The following RAB11FIP4 variants were observed in gnomAD, a reference collection of about 807,000 sequenced individuals.
RAB11FIP4 encodes the protein RAB11 family interacting protein 4.
Under a neutral mutation model 74.3 loss-of-function variants are expected in RAB11FIP4, and 23 were observed. That is an observed-to-expected ratio of 0.31 (90% confidence interval 0.22 to 0.44). The LOEUF (loss-of-function observed/expected upper bound fraction) is 0.44, where lower values mean the gene tolerates loss of function less well. RAB11FIP4 is among the 20% of genes least tolerant of loss of function. The pLI is 1.00. For synonymous variants in RAB11FIP4, 360 were observed against 359.9 expected (o/e 1.00, Z 0.00); for missense variants, 630 against 863.9 (o/e 0.73, Z 3.39).
chr17:31,469,699 G>T (rs1159749475), intron 3 of RAB11FIP4, among the ~76,000 whole-genome samples: 1 of 151,432 alleles, frequency 6.6e-6, no homozygotes, highest in East Asian at 1.9e-4. Context: ...GGGGCATAAG[G>T]AAAGGCCTCT....
chr17:31,440,462 CCTT>C (rs1220905578), intron 3 of RAB11FIP4, among the ~76,000 whole-genome samples: 1 of 152,168 alleles, frequency 6.6e-6, no homozygotes, highest in African/African-American at 2.4e-5. Context: ...GCTCTCTCAT[CCTT>C]CTTTGTTTCT....
Position 31,522,055 on chromosome 17 carries a change from G to T in RAB11FIP4, c.893+6G>T, listed in dbSNP as rs750202712. ...AAAAACCTGAAGGCCAACAGGTGAG[G>T]CCCAGGCCCAGCTGGGGGGTGAGAG... On this transcript the variant is annotated splice_donor_region_variant and intron_variant, in intron 6 of 14. Coordinates refer to ENST00000621161, the MANE Select transcript of RAB11FIP4 (RefSeq NM_032932.6). The T allele has an allele frequency of 5.6e-6, 9 of 1,613,834 alleles. 1 individual carries two copies. The highest frequency in any genetic ancestry group is 7.6e-6 in the Non-Finnish European group (9 of 1,180,020).
intron 3 of RAB11FIP4, among the ~76,000 whole-genome samples, chr17:31,442,531 C>T (rs1469901167): frequency 6.6e-6 from 1 of 152,238 alleles, no homozygotes; most frequent in African/African-American, 2.4e-5. Context: ...TGTTTTCACA[C>T]TACAGTGGCA....
intron 3 of RAB11FIP4, among the ~76,000 whole-genome samples, chr17:31,459,228 G>A (rs1408878100): frequency 6.6e-6 from 1 of 152,076 alleles, no homozygotes; most frequent in East Asian, 1.9e-4. Flanking sequence ...AGATCTACGA[G>A]TACTCTCAGC....
rs2071309265 is a variant in RAB11FIP4 at position 31,431,527 on chromosome 17, AT to A, written c.160-284del. The A allele has an allele frequency of 1.5e-5, 5 of 343,468 alleles. No homozygotes were observed. The South Asian group carries it at 1.6e-4, about 11-fold the overall frequency. The allele number at this position is 343,468 out of a possible 1,614,324, so 21.3% of individuals were successfully genotyped here. On this transcript the variant is annotated intron_variant, in intron 1 of 14. Coordinates refer to ENST00000621161, the MANE Select transcript of RAB11FIP4 (RefSeq NM_032932.6). ...AAACATCGGCAGAGCCTCGGCTTTCATTGTGCAGTCCCTGGGGGAAGGAGGC... is the reference window on the plus strand; with the variant it reads ...AAACATCGGCAGAGCCTCGGCTTTCATGTGCAGTCCCTGGGGGAAGGAGGC...
intron 1 of RAB11FIP4, among the ~76,000 whole-genome samples, chr17:31,404,899 G>C (rs140826184): frequency 1.9e-3 from 295 of 152,218 alleles, no homozygotes; most frequent in Non-Finnish European, 3.7e-3. Flanking sequence ...GGTCTGCCAG[G>C]GTGGAGGGAA....
chr17:31,508,662 T>G (rs2072398432), intron 3 of RAB11FIP4, among the ~76,000 whole-genome samples: 1 of 152,206 alleles, frequency 6.6e-6, no homozygotes, highest in Non-Finnish European at 1.5e-5. Flanking sequence ...ACCACTCGCT[T>G]AGCCCCTCCC....
chr17:31,425,070 C>A (rs2071234913), intron 1 of RAB11FIP4, among the ~76,000 whole-genome samples: 1 of 152,178 alleles, frequency 6.6e-6, no homozygotes, highest in African/African-American at 2.4e-5. Flanking sequence ...GGCATGGAGT[C>A]TGGAACCAGG....
intron 7 of RAB11FIP4, 93 bp from the exon 8 acceptor site, chr17:31,523,419 T>TG (rs1567691756): frequency 1.0e-6 from 1 of 985,444 alleles, no homozygotes; most frequent in Non-Finnish European, 1.6e-6. Context: ...GCAGACCCCC[T>TG]GGGGTACTGG....
intron 1 of RAB11FIP4, among the ~76,000 whole-genome samples, chr17:31,398,454 C>T (rs922661625): frequency 6.6e-6 from 1 of 151,842 alleles, no homozygotes; most frequent in Admixed American, 6.6e-5. Flanking sequence ...GTTGAGAGAC[C>T]GTGCCATGGG....
At chr17:31,423,455 C>T (rs1368124692) in intron 1 of RAB11FIP4, among the ~76,000 whole-genome samples, 3 of 152,160 alleles carry the variant, frequency 2.0e-5, no homozygotes, top group African/African-American at 7.2e-5. Context: ...GCAGCCTCAA[C>T]CCCCTGGCCT....
At chr17:31,479,118 C>G (rs1003686164) in intron 3 of RAB11FIP4, among the ~76,000 whole-genome samples, 5 of 152,198 alleles carry the variant, frequency 3.3e-5, no homozygotes, top group African/African-American at 9.7e-5. Flanking sequence ...GCAGTAACAT[C>G]TACTCTACAA....
chr17:31,501,877 G>A (rs1045135932), intron 3 of RAB11FIP4: 2 of 155,144 alleles, frequency 1.3e-5, no homozygotes, highest in African/African-American at 4.8e-5. Context: ...CTTGAAGTAT[G>A]ACTTCTACTG....
intron 3 of RAB11FIP4, among the ~76,000 whole-genome samples, chr17:31,468,439 C>G (rs946622913): frequency 6.6e-6 from 1 of 152,140 alleles, no homozygotes; most frequent in African/African-American, 2.4e-5. Flanking sequence ...TGTGCCTCAG[C>G]CTTCTCATAT....
In RAB11FIP4 at chr17:31,519,364, G is replaced by C. The variant is rs567409602; in HGVS notation, c.563+1487G>C. ...TCTACTCTGCTATATTTTCTATATT[G>C]AGCATGTACTCCCATAATCAGAAAT... On this transcript the variant is annotated intron_variant, in intron 4 of 14. Coordinates refer to ENST00000621161, the MANE Select transcript of RAB11FIP4 (RefSeq NM_032932.6). Among the ~76,000 whole-genome samples the C allele has an allele frequency of 2.6e-5, 4 of 152,222 alleles. No individual in the cohort carries two copies. The South Asian group carries it at 8.3e-4, about 32-fold the overall frequency.
intron 1 of RAB11FIP4, among the ~76,000 whole-genome samples, chr17:31,413,749 G>C (rs2071121598): frequency 6.6e-6 from 1 of 152,068 alleles, no homozygotes; most frequent in South Asian, 2.1e-4. Flanking sequence ...GCAAGGATTT[G>C]GGGTAACACC....
chr17:31,411,092 G>A (rs538572147), intron 1 of RAB11FIP4, among the ~76,000 whole-genome samples: 18 of 152,278 alleles, frequency 1.2e-4, no homozygotes, highest in Admixed American at 3.9e-4. Context: ...GGCCGGGCGC[G>A]GTGGCTCACG....
intron 3 of RAB11FIP4, among the ~76,000 whole-genome samples, chr17:31,434,809 A>G (rs553042378): frequency 6.6e-6 from 1 of 152,378 alleles, no homozygotes; most frequent in African/African-American, 2.4e-5. Context: ...AGGGATGCAG[A>G]GCTTCCGCAC....
chr17:31,506,996 C>T (rs2072362633), intron 3 of RAB11FIP4, among the ~76,000 whole-genome samples: 1 of 152,096 alleles, frequency 6.6e-6, no homozygotes, highest in African/African-American at 2.4e-5. Flanking sequence ...ACTTACAGTC[C>T]CAACCGGGCA....
Sources: allele counts gnomAD v4.1 joint callset (sites outside exome capture counted in the v4.1 genomes callset), GRCh38; gene constraint gnomAD v4.1.1; transcripts MANE v1.5; gene names NCBI Gene and HGNC (gene_info 2026-07-23, HGNC 2026-07-21).